The following FBXO3 variants were observed in gnomAD, a reference collection of about 807,000 sequenced individuals.
The protein encoded by FBXO3 is F-box only protein 3.
A neutral mutation model predicts 64.8 loss-of-function variants in FBXO3; 17 were observed. The ratio of observed to expected loss-of-function variants is 0.26; its 90% CI spans 0.18 to 0.39. FBXO3 has a LOEUF of 0.39. Among genes scored for constraint, FBXO3 ranks in the 10% least tolerant of loss-of-function variants. The pLI is 1.00. For synonymous variants in FBXO3, 182 were observed against 201.6 expected (o/e 0.90, Z 0.82); for missense variants, 420 against 589.9 (o/e 0.71, Z 2.98).
At chr11:33,765,097 A>T (rs1855335324) in intron 3 of FBXO3, among the ~76,000 whole-genome samples, 2 of 152,240 alleles carry the variant, frequency 1.3e-5, no homozygotes, top group South Asian at 4.1e-4. Flanking sequence ...ATCCTGGAAC[A>T]GAAAAAGGAC....
chr11:33,757,143 A>G (rs1855117687), intron 4 of FBXO3: 8 of 509,550 alleles, frequency 1.6e-5, no homozygotes, highest in Non-Finnish European at 3.1e-5. Flanking sequence ...GATTCTTCAC[A>G]TACAAAGGAA....
Position 33,774,428 on chromosome 11 carries a change from T to C in FBXO3, c.70A>G (p.Ile24Val). The C allele has an allele frequency of 1.2e-6, 2 of 1,604,570 alleles. No individual in the cohort carries two copies. Residue 24 changes from isoleucine (I) to valine (V), a missense_variant, in exon 1 of 11, where the codon ATC (isoleucine) becomes GTC (valine). Coordinates refer to ENST00000265651, the MANE Select transcript of FBXO3 (RefSeq NM_012175.4). ...TCCCGATAGTCCAAAAAGGATAAGA[T>C]GAGGAGCAGGGGATCGGTGGGCAGC... ...ESLPTDPLLL[I>V]LSFLDYRDLI...
At position 33,742,005 on chromosome 11, in the gene FBXO3, G is replaced by A. The variant is rs776663580; in HGVS notation, c.1319C>T (p.Ala440Val). 3.7e-6 allele frequency: 6 copies of A among 1,611,000 alleles called. No homozygotes were observed. The highest frequency in any genetic ancestry group is 3.4e-6 in the Non-Finnish European group (4 of 1,177,408). Residue 440 changes from alanine (A) to valine (V), a missense_variant, in exon 11 of 11, where the codon GCA (alanine) becomes GTA (valine). Physicochemically the swap from Ala to Val is moderately conservative, Grantham distance 64 (BLOSUM62 0). Around this residue, in one of 3 missense-constraint regions of FBXO3, gnomAD observed 57 missense variants for 55.4 expected, o/e 1.03. Coordinates refer to ENST00000265651, the MANE Select transcript of FBXO3 (RefSeq NM_012175.4). ...EEEEDEDDDS[A>V]DMDESDEDDE... ...ATCTTCATCTGATTCATCCATATCT[G>A]CTGAATCATCATCCTCGTCTTCCTC...
At chr11:33,750,994 T>C (rs2133598968) in intron 7 of FBXO3, among the ~76,000 whole-genome samples, 1 of 152,314 alleles carries the variant, frequency 6.6e-6, no homozygotes, top group Non-Finnish European at 1.5e-5. Flanking sequence ...AGCTGCATGA[T>C]GTCCAATGCT....
At chr11:33,765,519 C>T (rs970656137) in intron 3 of FBXO3, among the ~76,000 whole-genome samples, 8 of 152,126 alleles carry the variant, frequency 5.3e-5, no homozygotes, top group African/African-American at 1.9e-4. Flanking sequence ...GTTTACAATA[C>T]AGTAAAATCA....
chr11:33,754,520 C>A lies in FBXO3; in HGVS notation c.679-20G>T, dbSNP rs375007014. 2 of 1,555,272 alleles carry A rather than the reference C, an allele frequency of 1.3e-6. No individual in the cohort carries two copies. The highest frequency in any genetic ancestry group is 1.7e-6 in the Non-Finnish European group (2 of 1,149,840). On this transcript the variant is annotated intron_variant, in intron 5 of 10. Transcript: ENST00000265651. Reference sequence around the variant, plus strand: ...TTGGTCCTAGGTGAGAAAAAGAATACAATCGATAAAAACACATTTTACTTA... The same window carrying A: ...TTGGTCCTAGGTGAGAAAAAGAATAAAATCGATAAAAACACATTTTACTTA...
rs187607145 is a variant in FBXO3, at chr11:33,751,485, A to G, written c.809+38T>C. ...GTGACTTATCATTTTTCTCTGATTT[A>G]CAATCATTTCAATCCAAAAAGACCC... On this transcript the variant is annotated intron_variant, in intron 7 of 10. Coordinates refer to ENST00000265651, the MANE Select transcript of FBXO3 (RefSeq NM_012175.4). 4.6e-4 allele frequency: 611 copies of G among 1,319,672 alleles called. 1 individual carries two copies. The African/African-American group carries it at 7.8e-3, about 17-fold the overall frequency. 81.7% of individuals were successfully genotyped at this position (1,319,672 alleles called of 1,614,324 possible). A position where few individuals can be genotyped will look rare whatever the true frequency, so the allele number is the denominator to read the frequency against.
chr11:33,757,021 C>T (rs1407575706), intron 4 of FBXO3: 4 of 518,768 alleles, frequency 7.7e-6, no homozygotes, highest in Non-Finnish European at 1.2e-5. Context: ...TGAGCGACCA[C>T]ACCCTGCCCC....
chr11:33,748,649 A>T, intron 9 of FBXO3, 128 bp downstream of exon 9: 1 of 491,386 alleles, frequency 2.0e-6, no homozygotes, highest in East Asian at 3.1e-5. Context: ...ATTTCAGAAA[A>T]GTTAATGCTT....
intron 4 of FBXO3, among the ~76,000 whole-genome samples, chr11:33,757,955 C>CAAAAA (rs1285714596): frequency 1.2e-5 from 1 of 86,464 alleles, no homozygotes; most frequent in Non-Finnish European, 2.4e-5. Flanking sequence ...GACCCTGTCT[C>CAAAAA]AAAAAAAAAA....
intron 9 of FBXO3, 27 bp downstream of exon 9, chr11:33,748,750 T>C: frequency 7.0e-7 from 1 of 1,425,342 alleles, no homozygotes; most frequent in Non-Finnish European, 9.9e-7. Context: ...GGAATTAATG[T>C]ATAAACCTAA....
At chr11:33,765,164 G>A (rs1377474973) in intron 3 of FBXO3, among the ~76,000 whole-genome samples, 1 of 152,138 alleles carries the variant, frequency 6.6e-6, no homozygotes, top group African/African-American at 2.4e-5. Context: ...TAATAGTAAT[G>A]TGCCAATGAA....
chr11:33,772,524 T>C (rs1170537168), intron 1 of FBXO3: 2 of 152,284 alleles, frequency 1.3e-5, no homozygotes, highest in East Asian at 3.8e-4. Context: ...CACCAGGCCA[T>C]GCTGTTGAAC....
intron 5 of FBXO3, 77 bp downstream of exon 5, chr11:33,755,694 G>T: frequency 9.2e-7 from 1 of 1,084,880 alleles, no homozygotes; most frequent in Non-Finnish European, 1.4e-6. Flanking sequence ...CTACAATCCT[G>T]AAAATACCTA....
chr11:33,756,256 G>A (rs113655385), intron 4 of FBXO3, among the ~76,000 whole-genome samples: 2 of 152,234 alleles, frequency 1.3e-5, no homozygotes, highest in African/African-American at 4.8e-5. Context: ...AATCTATCCT[G>A]CCATGATATA....
At chr11:33,748,935 T>C in intron 8 of FBXO3, 43 bp from the exon 9 acceptor site, 1 of 1,358,846 alleles carries the variant, frequency 7.4e-7, no homozygotes, top group Non-Finnish European at 1.1e-6. Flanking sequence ...ATCTGGCTTC[T>C]TTGTTTCTTT....
At position 33,754,449 on chromosome 11, in the gene FBXO3, T is replaced by C. The variant is rs1590570764; in HGVS notation, c.724+6A>G. On this transcript the variant is annotated splice_donor_region_variant and intron_variant, in intron 6 of 10. Coordinates refer to ENST00000265651, the MANE Select transcript of FBXO3 (RefSeq NM_012175.4). ...AAGGGGGAAAAAAGACTTTTTTCTT[T>C]CCTACCTATAATAAACATGTCAATA... is the stretch of plus-strand genomic sequence containing the variant. 6.3e-7 allele frequency: 1 copy of C among 1,578,898 alleles called. No homozygotes were observed.
intron 6 of FBXO3, 198 bp downstream of exon 6, chr11:33,754,257 C>G: frequency 2.1e-6 from 1 of 487,646 alleles, no homozygotes. Flanking sequence ...TAGCTTTTTT[C>G]AAAATTAAAA....
intron 3 of FBXO3, among the ~76,000 whole-genome samples, chr11:33,763,626 C>CA (rs33923647): frequency 0.045 from 4,649 of 102,878 alleles, 126 homozygotes; most frequent in Non-Finnish European, 0.064. Flanking sequence ...AGAATATCTA[C>CA]AAAAAAAAAA....
Sources: gnomAD v4.1 joint callset for allele counts (sites outside exome capture counted in the v4.1 genomes callset) on GRCh38, gnomAD v4.1.1 for gene constraint, gnomAD v4.1.1 regional missense constraint, MANE v1.5 for transcripts, NCBI Gene and HGNC (gene_info 2026-07-23, HGNC 2026-07-21) for gene names.